CEP97: variants seen among roughly 807,000 people sequenced by gnomAD.
The protein encoded by CEP97 is centrosomal protein of 97 kDa.
CEP97 carries 43 observed loss-of-function variants against 73.1 expected under a neutral mutation model. The ratio of observed to expected loss-of-function variants is 0.59; its 90% CI spans 0.46 to 0.76. The LOEUF (loss-of-function observed/expected upper bound fraction) is 0.76. Ranked by LOEUF, CEP97 falls within the 30% of genes least tolerant of loss-of-function variation. CEP97 has a pLI of 0.00. For synonymous variants in CEP97, 337 were observed against 370.0 expected (o/e 0.91, Z 1.02); for missense variants, 939 against 1,014.0 (o/e 0.93, Z 1.00).
chr3:101,765,032 A>G lies in CEP97; in HGVS notation c.2079A>G (p.Lys693=). The G allele has an allele frequency of 6.2e-7, 1 of 1,614,166 alleles. No individual in the cohort carries two copies. The highest frequency in any genetic ancestry group is 2.2e-5 in the East Asian group (1 of 44,874). Residue 693 remains lysine, a synonymous_variant, in exon 11 of 11, where the codon AAA becomes AAG. Coordinates refer to ENST00000341893, the MANE Select transcript of CEP97 (RefSeq NM_024548.4). Reference sequence around the variant, plus strand: ...CTTCTGATGTAGCTCCTCAAGAGAAATCATTACCAGAATTTCCAGACTCTG... The same window carrying G: ...CTTCTGATGTAGCTCCTCAAGAGAAGTCATTACCAGAATTTCCAGACTCTG... ...FIASDVAPQE[K]SLPEFPDSGF... is the part of the protein sequence containing the mutation.
chr3:101,727,794 A>G (rs962729747), intron 3 of CEP97, among the ~76,000 whole-genome samples: 1 of 152,236 alleles, frequency 6.6e-6, no homozygotes, highest in Non-Finnish European at 1.5e-5. Flanking sequence ...GAGGGAGACT[A>G]TATCATGCTG....
At chr3:101,753,426 C>T (rs1938900506) in intron 6 of CEP97, among the ~76,000 whole-genome samples, 7 of 152,214 alleles carry the variant, frequency 4.6e-5, no homozygotes, top group Non-Finnish European at 1.5e-5. Flanking sequence ...CCACTGCTCT[C>T]TTCAAAGCTG....
At chr3:101,753,267 A>C (rs1938891658) in intron 6 of CEP97, among the ~76,000 whole-genome samples, 1 of 152,146 alleles carries the variant, frequency 6.6e-6, no homozygotes, top group Non-Finnish European at 1.5e-5. Context: ...TTTGTCTCAG[A>C]GGAGTACCCG....
chr3:101,727,434 A>T lies in CEP97; in HGVS notation c.238A>T (p.Thr80Ser), dbSNP rs770738404. Residue 80 changes from threonine (T) to serine (S), a missense_variant, in exon 3 of 11, where the codon ACG becomes TCG. Coordinates refer to ENST00000341893, the MANE Select transcript of CEP97 (RefSeq NM_024548.4). ...LVRMMGVAKL[T>S]LLRVLNLPHN... ...TCGGATGATGGGTGTGGCCAAGCTG[A>T]CGTTGCTTCGTGTATTAAATTTGCC... The T allele has an allele frequency of 2.5e-6, 4 of 1,613,844 alleles. No homozygotes were observed. The highest frequency in any genetic ancestry group is 1.3e-5 in the African/African-American group (1 of 74,910).
At chr3:101,733,994 T>G (rs1938199809) in intron 6 of CEP97, among the ~76,000 whole-genome samples, 1 of 152,060 alleles carries the variant, frequency 6.6e-6, no homozygotes, top group Admixed American at 6.6e-5. Context: ...ACCCAGCTAA[T>G]TTTGTATTTT....
At chr3:101,742,134 G>T (rs1938479709) in intron 6 of CEP97, among the ~76,000 whole-genome samples, 1 of 152,148 alleles carries the variant, frequency 6.6e-6, no homozygotes, top group Non-Finnish European at 1.5e-5. Flanking sequence ...CTTTTATACT[G>T]TTGGTGGGAG....
chr3:101,752,478 C>A (rs1357031647), intron 6 of CEP97, among the ~76,000 whole-genome samples: 1 of 152,232 alleles, frequency 6.6e-6, no homozygotes, highest in Non-Finnish European at 1.5e-5. Flanking sequence ...TGGATAATAT[C>A]TTGCAGAGTG....
rs939366571 is a variant in CEP97, at chr3:101,758,646, T to A, written c.1817+223T>A. The A allele has an allele frequency of 1.3e-5, 7 of 550,176 alleles. No homozygotes were observed. In the Admixed American group the frequency reaches 1.9e-4, roughly 15 times the overall value. 34.1% of individuals were successfully genotyped at this position (550,176 alleles called of 1,614,324 possible). On this transcript the variant is annotated intron_variant, in intron 9 of 10. Coordinates refer to ENST00000341893, the MANE Select transcript of CEP97 (RefSeq NM_024548.4). Reference sequence around the variant, plus strand: ...CCCAGCAAAGCACTTGATACATAGATGCAGTGTAGTAATAAATGTTCAATG... The same window carrying A: ...CCCAGCAAAGCACTTGATACATAGAAGCAGTGTAGTAATAAATGTTCAATG...
At chr3:101,724,968 T>A (rs559863836) in intron 1 of CEP97, among the ~76,000 whole-genome samples, 19 of 152,332 alleles carry the variant, frequency 1.2e-4, no homozygotes, top group Admixed American at 8.5e-4. Flanking sequence ...CCCGGCGCCC[T>A]GGCTCCCGCG....
At chr3:101,764,241 G>A (rs1939247493) in intron 10 of CEP97, among the ~76,000 whole-genome samples, 1 of 152,194 alleles carries the variant, frequency 6.6e-6, no homozygotes. Flanking sequence ...CAAGGCAGAA[G>A]GATTGCTTGA....
chr3:101,738,266 C>G (rs748973937), intron 6 of CEP97, among the ~76,000 whole-genome samples: 15 of 152,062 alleles, frequency 9.9e-5, no homozygotes, highest in Non-Finnish European at 1.9e-4. Context: ...TTTAACACCC[C>G]ACTGTCAAAA....
intron 2 of CEP97, 66 bp from the exon 3 acceptor site, chr3:101,727,317 T>A: frequency 1.5e-6 from 2 of 1,358,866 alleles, no homozygotes; most frequent in Non-Finnish European, 2.0e-6. Flanking sequence ...ACCTTTTAAA[T>A]CACTTTAATG....
chr3:101,764,112 G>A (rs886989250), intron 10 of CEP97, among the ~76,000 whole-genome samples: 1 of 152,172 alleles, frequency 6.6e-6, no homozygotes, highest in African/African-American at 2.4e-5. Flanking sequence ...GCAGTTTCTA[G>A]CTCCAGTTCT....
intron 10 of CEP97, 42 bp from the exon 11 acceptor site, chr3:101,764,805 C>A: frequency 6.6e-7 from 1 of 1,515,692 alleles, no homozygotes; most frequent in Non-Finnish European, 8.9e-7. Context: ...ACAAAAACAA[C>A]ACTTTTTATT....
intron 7 of CEP97, among the ~76,000 whole-genome samples, chr3:101,755,984 C>T (rs1331672733): frequency 2.0e-5 from 3 of 152,076 alleles, no homozygotes; most frequent in East Asian, 1.9e-4. Context: ...TCTCCTGCTT[C>T]GGCCTCCTAA....
intron 6 of CEP97, among the ~76,000 whole-genome samples, chr3:101,753,760 C>T (rs1268029396): frequency 1.1e-4 from 17 of 152,082 alleles, no homozygotes; most frequent in African/African-American, 2.2e-4. Context: ...GTTGGAAAAG[C>T]GCAGTATTAG....
chr3:101,747,538 C>T (rs1159633733), intron 6 of CEP97, among the ~76,000 whole-genome samples: 2 of 150,252 alleles, frequency 1.3e-5, no homozygotes, highest in Non-Finnish European at 3.0e-5. Flanking sequence ...GGATTACAGG[C>T]GTGAGCCACC....
intron 3 of CEP97, among the ~76,000 whole-genome samples, chr3:101,728,429 T>G (rs1937971168): frequency 6.6e-6 from 1 of 152,020 alleles, no homozygotes; most frequent in Admixed American, 6.6e-5. Flanking sequence ...CCTGGCTAAT[T>G]TTTAGTATTT....
intron 6 of CEP97, among the ~76,000 whole-genome samples, chr3:101,749,100 C>T (rs1026034974): frequency 2.1e-4 from 31 of 150,832 alleles, no homozygotes; most frequent in East Asian, 1.2e-3. Flanking sequence ...CCCATTAACT[C>T]GTCATTTAGC....
Sources: gnomAD v4.1 joint callset for allele counts (sites outside exome capture counted in the v4.1 genomes callset) on GRCh38, gnomAD v4.1.1 for gene constraint, MANE v1.5 for transcripts, NCBI Gene and HGNC (gene_info 2026-07-23, HGNC 2026-07-21) for gene names.